Variants in HLA-F observed in about 807,000 individuals in gnomAD.
HLA-F encodes HLA class I histocompatibility antigen, alpha chain F.
In HLA-F, 46 loss-of-function variants were observed where a neutral mutation model predicts 49.5. That is an observed-to-expected ratio of 0.93 (90% CI 0.73 to 1.19). The LOEUF (loss-of-function observed/expected upper bound fraction) is 1.19, where lower values mean the gene tolerates loss of function less well. Ranked by LOEUF, HLA-F falls within the 50% of genes most tolerant of loss-of-function variation. HLA-F has a pLI of 0.00. For synonymous variants in HLA-F, 203 were observed against 233.5 expected, an observed-to-expected ratio of 0.87 and a Z score of 1.19; for missense variants, 496 against 579.6, an observed-to-expected ratio of 0.86 and a Z score of 1.48.
chr6:29,731,344 A>G (rs1312793650), downstream of HLA-F, among the ~76,000 whole-genome samples: 1 of 152,166 alleles, frequency 6.6e-6, no homozygotes, highest in South Asian at 2.1e-4. Flanking sequence ...GATCCATGAG[A>G]GGCCACCTGC....
chr6:29,724,190 G>A lies in HLA-F; in HGVS notation c.352G>A (p.Gly118Arg), dbSNP rs761382090. The A allele has an allele frequency of 3.1e-6, 5 of 1,612,994 alleles. No individual in the cohort carries two copies. The highest frequency in any genetic ancestry group is 1.3e-5 in the African/African-American group (1 of 75,018). Reference sequence around the variant, plus strand: ...CCGGCTAGGGTCTCACACCCTCCAGGGAATGAATGGCTGCGACATGGGGCC... The same window carrying A: ...CCGGCTAGGGTCTCACACCCTCCAGAGAATGAATGGCTGCGACATGGGGCC... ...QSEAGSHTLQGMNGCDMGPDG... is the reference protein window; with the variant it reads ...QSEAGSHTLQRMNGCDMGPDG... Residue 118 changes from glycine to arginine, a missense_variant, in exon 3 of 7, where the codon GGA (glycine) becomes AGA (arginine). Gly to Arg is a moderately radical substitution (Grantham distance 125, BLOSUM62 -2). Coordinates refer to ENST00000259951, the MANE Select transcript of HLA-F (RefSeq NM_001098479.2).
chr6:29,732,427 A>T (rs1464627367), intron 3 of HLA-F, among the ~76,000 whole-genome samples: 2 of 152,198 alleles, frequency 1.3e-5, no homozygotes, highest in Non-Finnish European at 2.9e-5. Context: ...TGCAGCTTGT[A>T]AAAGTGTGTC....
downstream of HLA-F, among the ~76,000 whole-genome samples, chr6:29,730,552 T>A (rs746112916): frequency 1.3e-5 from 2 of 152,168 alleles, no homozygotes; most frequent in Non-Finnish European, 2.9e-5. Context: ...TTACATGGTA[T>A]GTATGTTTTA....
chr6:29,732,913 C>T (rs772242136), intron 3 of HLA-F, among the ~76,000 whole-genome samples: 48 of 152,094 alleles, frequency 3.2e-4, no homozygotes, highest in Non-Finnish European at 5.3e-4. Flanking sequence ...ATGGGCCAGG[C>T]GCCTTGGCTC....
At chr6:29,731,008 C>G (rs955690744), downstream of HLA-F, among the ~76,000 whole-genome samples, 18 of 152,070 alleles carry the variant, frequency 1.2e-4, no homozygotes, top group Non-Finnish European at 2.2e-4. Context: ...CCATTCAAGT[C>G]TCTGTTCAAA....
Position 29,725,325 on chromosome 6 carries a change from A to G in HLA-F, c.886+19A>G. The G allele has an allele frequency of 6.2e-7, 1 of 1,613,272 alleles. No homozygotes were observed. Among genetic ancestry groups the G allele is most frequent in the African/African-American group, 1.3e-5 (1 of 74,654 alleles). On this transcript the variant is annotated intron_variant, in intron 4 of 6. Coordinates refer to ENST00000259951, the MANE Select transcript of HLA-F (RefSeq NM_001098479.2). ...AGATGGGGTAAGGAGGGAGATGGGT[A>G]AAGAGGGGAACGAGGGGTCATGTCT...
intron 3 of HLA-F, 102 bp downstream of exon 3, chr6:29,724,550 T>G: frequency 8.4e-7 from 1 of 1,188,352 alleles, no homozygotes. Context: ...GATATCGCCC[T>G]CCCTCTAGTC....
chr6:29,727,125 C>T lies in HLA-F; in HGVS notation c.1279C>T (p.Arg427Cys), dbSNP rs553341245. 3 of 1,608,532 alleles carry T rather than the reference C, an allele frequency of 1.9e-6. No individual in the cohort carries two copies. The highest frequency in any genetic ancestry group is 2.7e-5 in the African/African-American group (2 of 74,426). The change falls in exon 7 of 7, where the codon CGT (arginine) becomes TGT (cysteine). Residue 427 changes from arginine to cysteine, a missense_variant. Arg to Cys is a radical substitution (Grantham distance 180). Coordinates refer to ENST00000259951, the MANE Select transcript of HLA-F (RefSeq NM_001098479.2). ...TAGGAGGGGCAGGAGCTTCCTTCTT[C>T]GTTCTTGGCACCATCTTATGAAAAG... Reference protein sequence around the residue: ...GFRRGRSFLLRSWHHLMKRVQ... With the variant: ...GFRRGRSFLLCSWHHLMKRVQ...
chr6:29,724,412 T>C lies in HLA-F; in HGVS notation c.574T>C (p.Tyr192His). The change falls in exon 3 of 7, where the codon TAC (tyrosine) becomes CAC (histidine). Residue 192 changes from tyrosine (Y) to histidine (H), a missense_variant. Tyr to His is a moderately conservative substitution (Grantham distance 83, BLOSUM62 2). Transcript: ENST00000259951. ...CGAGTGCCTGGAGTTGCTCCGCAGA[T>C]ACTTGGAGAATGGGAAGGAGACGCT... The part of the protein sequence containing the change: ...EGECLELLRR[Y>H]LENGKETLQR... 1 of 1,613,266 alleles carries C rather than the reference T, an allele frequency of 6.2e-7. No homozygotes were observed. The highest frequency in any genetic ancestry group is 1.1e-5 in the South Asian group (1 of 91,088).
At chr6:29,735,848 A>T (rs187260902) in intron 3 of HLA-F, 2 of 151,320 alleles carry the variant, frequency 1.3e-5, no homozygotes, top group African/African-American at 2.4e-5. Flanking sequence ...TTTCTTCATA[A>T]TTTTTTTTCT....
chr6:29,731,236 GATAGATA>G (rs774082474), downstream of HLA-F, among the ~76,000 whole-genome samples: 77 of 47,904 alleles, frequency 1.6e-3, 1 homozygote, highest in South Asian at 3.6e-3. Flanking sequence ...TGGATACATA[GATAGATA>G]GATAGATAGA....
At chr6:29,728,204 A>G (rs1051580571), downstream of HLA-F, 3 of 400,432 alleles carry the variant, frequency 7.5e-6, no homozygotes, top group Non-Finnish European at 1.5e-5. Context: ...AAGGGTAAGG[A>G]GGCCTGCCAG....
downstream of HLA-F, among the ~76,000 whole-genome samples, chr6:29,729,767 C>A (rs2127593510): frequency 6.6e-6 from 1 of 152,186 alleles, no homozygotes; most frequent in Non-Finnish European, 1.5e-5. Flanking sequence ...GAATTAATAT[C>A]CAGAATACAT....
intron 3 of HLA-F, among the ~76,000 whole-genome samples, chr6:29,737,018 A>C (rs965663760): frequency 6.6e-6 from 1 of 152,178 alleles, no homozygotes; most frequent in Non-Finnish European, 1.5e-5. Flanking sequence ...AACTGGTGGA[A>C]GAGGGTAAAT....
In HLA-F at chr6:29,726,027, C is replaced by A. The variant is rs1156562529; in HGVS notation, c.1020C>A (p.Ser340Arg). The A allele has an allele frequency of 6.2e-7, 1 of 1,613,992 alleles. No individual in the cohort carries two copies. Among genetic ancestry groups the A allele is most frequent in the African/African-American group, 1.3e-5 (1 of 75,034 alleles). Residue 340 changes from serine (S) to arginine (R), a missense_variant, in exon 6 of 7, where the codon AGC (serine) becomes AGA (arginine). Ser to Arg is a moderately radical substitution (Grantham distance 110). Transcript: ENST00000259951. The part of the protein sequence containing the change: ...RKKSSDRNRG[S>R]YSQAAAYSVV... ...TTCCCATAGATAGAAACAGAGGGAG[C>A]TACTCTCAGGCTGCAGGTAAGATGA... is the stretch of plus-strand genomic sequence containing the variant.
intron 6 of HLA-F, 196 bp from the exon 7 acceptor site, chr6:29,726,687 G>C: frequency 1.5e-6 from 2 of 1,366,366 alleles, no homozygotes; most frequent in Non-Finnish European, 2.1e-6. Flanking sequence ...TCCCAATTTT[G>C]GTGGCAACAA....
chr6:29,726,745 C>A lies in HLA-F; in HGVS notation c.1037-138C>A. On this transcript the variant is annotated intron_variant, in intron 6 of 6. Transcript: ENST00000259951. ...CAGTCGAACATATGCCTTCCTCTCTCCATCAGACTGAATCAGAGTGTTGAC... is the reference window on the plus strand; with the variant it reads ...CAGTCGAACATATGCCTTCCTCTCTACATCAGACTGAATCAGAGTGTTGAC... 3.3e-6 allele frequency: 4 copies of A among 1,218,724 alleles called. No individual in the cohort carries two copies. The South Asian group carries it at 4.8e-5, about 15-fold the overall frequency. The allele number at this position is 1,218,724 out of a possible 1,614,324, so 75.5% of individuals were successfully genotyped here.
At chr6:29,729,843 T>C (rs1159412877), downstream of HLA-F, among the ~76,000 whole-genome samples, 1 of 152,100 alleles carries the variant, frequency 6.6e-6, no homozygotes, top group Non-Finnish European at 1.5e-5. Flanking sequence ...ACAACATGAA[T>C]AGACAATTCT....
At chr6:29,726,472 A>T in intron 6 of HLA-F, 1 of 1,597,600 alleles carries the variant, frequency 6.3e-7, no homozygotes, top group Non-Finnish European at 8.5e-7. Flanking sequence ...CTTGTGCCTC[A>T]CGAACATACA....
Sources: gnomAD v4.1 joint callset for allele counts (sites outside exome capture counted in the v4.1 genomes callset) on GRCh38, gnomAD v4.1.1 for gene constraint, MANE v1.5 for transcripts, NCBI Gene and HGNC (gene_info 2026-07-23, HGNC 2026-07-21) for gene names.